Variants in HDLBP observed in about 807,000 individuals in gnomAD.
HDLBP encodes the protein vigilin.
HDLBP carries 30 observed loss-of-function variants against 137.3 expected under a neutral mutation model. The observed-to-expected ratio is 0.22, with a 90% CI of 0.16 to 0.30. The LOEUF (loss-of-function observed/expected upper bound fraction) is 0.30, where lower values mean the gene tolerates loss of function less well. Ranked by LOEUF, HDLBP falls within the 10% of genes least tolerant of loss-of-function variation. The pLI is 1.00. For missense variants in HDLBP, 1,119 were observed against 1,667.3 expected (o/e 0.67, Z 5.73); for synonymous variants, 606 against 596.0 (o/e 1.02, Z -0.24).
chr2:241,249,734 G>T, intron 12 of HDLBP, 107 bp downstream of exon 12: 1 of 1,132,280 alleles, frequency 8.8e-7, no homozygotes. Flanking sequence ...CGTGGGATTT[G>T]TCGACTTCCA....
chr2:241,270,092 G>A (rs894554351), intron 1 of HDLBP, among the ~76,000 whole-genome samples: 3 of 152,204 alleles, frequency 2.0e-5, no homozygotes, highest in Admixed American at 6.5e-5. Flanking sequence ...TCTCCAGCAC[G>A]GAGCTGTGAT....
chr2:241,267,329 G>C (rs1484415060), intron 2 of HDLBP, among the ~76,000 whole-genome samples: 1 of 152,174 alleles, frequency 6.6e-6, no homozygotes, highest in Non-Finnish European at 1.5e-5. Flanking sequence ...GTTTGTCCTA[G>C]AACAGCTGGT....
At chr2:241,311,201 C>A (rs1337127123) in intron 1 of HDLBP, among the ~76,000 whole-genome samples, 1 of 152,092 alleles carries the variant, frequency 6.6e-6, no homozygotes, top group African/African-American at 2.4e-5. Context: ...CACACAAAGG[C>A]TCTAAAAATG....
chr2:241,268,077 A>C, intron 2 of HDLBP: 1 of 559,588 alleles, frequency 1.8e-6, no homozygotes, highest in Non-Finnish European at 2.3e-6. Context: ...ATTACGCATC[A>C]ATTACTCGCA....
chr2:241,273,260 G>A, intron 1 of HDLBP: 13 of 983,104 alleles, frequency 1.3e-5, no homozygotes, highest in Non-Finnish European at 1.6e-5. Context: ...CGGCTCCAGG[G>A]CTTTCATTCC....
At chr2:241,284,203 A>G (rs565008506) in intron 1 of HDLBP, among the ~76,000 whole-genome samples, 24 of 152,336 alleles carry the variant, frequency 1.6e-4, no homozygotes, top group Non-Finnish European at 2.9e-4. Context: ...AATACTTAAG[A>G]AATTATTTTT....
chr2:241,273,460 C>A, intron 1 of HDLBP: 1 of 475,930 alleles, frequency 2.1e-6, no homozygotes, highest in Non-Finnish European at 2.7e-6. Context: ...TCTGAGCCCA[C>A]GGTGGATACG....
rs988073553 is a variant in HDLBP, at chr2:241,279,058, TA to T, written c.-102-10518del. ...CCCTCTAAAAAAATTTTTTAAAATC[TA>T]ATTAAGAAAAAAAATGTGATTTATA... On this transcript the variant is annotated intron_variant, in intron 1 of 27. Coordinates refer to ENST00000310931, the MANE Select transcript of HDLBP (RefSeq NM_005336.6). 1.1e-3 allele frequency among the ~76,000 whole-genome samples: 102 copies of T among 96,816 alleles called. 1 individual carries two copies. The highest frequency in any genetic ancestry group is 3.6e-3 in the African/African-American group (92 of 25,570). 63.5% of individuals were successfully genotyped at this position (96,816 alleles called of 152,430 possible). A position where few individuals can be genotyped will look rare whatever the true frequency, so the allele number is the denominator to read the frequency against.
rs528310718 is a variant in HDLBP at position 241,314,133 on chromosome 2, T to C, written c.-103+1437A>G. ...AGACTCAGAGATTCGGTAATCCAAA[T>C]GATGGAAATAATTCTTACCCAAACA... On this transcript the variant is annotated intron_variant, in intron 1 of 27. Coordinates refer to ENST00000310931, the MANE Select transcript of HDLBP (RefSeq NM_005336.6). Among the ~76,000 whole-genome samples, 47 of 152,322 alleles carry C rather than the reference T, an allele frequency of 3.1e-4. No homozygotes were observed. In the South Asian group the frequency reaches 7.7e-3, roughly 25 times the overall value.
At position 241,253,441 on chromosome 2, in the gene HDLBP, C is replaced by T. The variant is rs375135007; in HGVS notation, c.1245G>A (p.Glu415=). 2.5e-6 allele frequency: 4 copies of T among 1,613,720 alleles called. No homozygotes were observed. In the African/African-American group the frequency reaches 5.3e-5, roughly 22 times the overall value. The change falls in exon 10 of 28, where the codon GAG becomes GAA. Residue 415 remains glutamate, a synonymous_variant. Coordinates refer to ENST00000310931, the MANE Select transcript of HDLBP (RefSeq NM_005336.6). ...TCTGTTCCTGGGCCACATTGACATC[C>T]TCTGTAGGGCCCTCCAGGGTGATCT... is the stretch of plus-strand genomic sequence containing the variant. ...EDKITLEGPT[E]DVNVAQEQIE... is the part of the protein sequence containing the mutation.
In HDLBP at chr2:241,297,540, G is replaced by A. The variant is rs200698507; in HGVS notation, c.-103+18030C>T. 1.1e-4 allele frequency among the ~76,000 whole-genome samples: 17 copies of A among 152,234 alleles called. No homozygotes were observed. In the East Asian group the frequency reaches 2.1e-3, roughly 19 times the overall value. ...CTGTAGGTATGTTTTGTATATGTATGTATACACATACTCTGTTGACTGAGA... is the reference window on the plus strand; with the variant it reads ...CTGTAGGTATGTTTTGTATATGTATATATACACATACTCTGTTGACTGAGA... On this transcript the variant is annotated intron_variant, in intron 1 of 27. Transcript: ENST00000310931.
At position 241,306,866 on chromosome 2, in the gene HDLBP, GGAGA is replaced by G. The variant is rs563949822; in HGVS notation, c.-103+8700_-103+8703del. Among the ~76,000 whole-genome samples the G allele has an allele frequency of 6.5e-4, 97 of 150,270 alleles. 1 individual carries two copies. The highest frequency in any genetic ancestry group is 2.3e-3 in the African/African-American group (94 of 40,814). On this transcript the variant is annotated intron_variant, in intron 1 of 27. Transcript: ENST00000310931. ...TGTCATACTCCAGCCTGGGTGACAG[GGAGA>G]GACTCTGTCTCAATAAATTAAAAAA... is the stretch of plus-strand genomic sequence containing the variant.
chr2:241,272,926 C>A lies in HDLBP; in HGVS notation c.-102-4385G>T, dbSNP rs1424569686. The A allele has an allele frequency of 2.5e-6, 2 of 790,162 alleles. No homozygotes were observed. Among genetic ancestry groups the A allele is most frequent in the East Asian group, 1.3e-4 (1 of 7,932 alleles). 48.9% of individuals were successfully genotyped at this position (790,162 alleles called of 1,614,324 possible). ...CCGCCCGCCCCGCCGCTGGGGTCCCCGCCGCCCCGGGCCGCCCAGCACCCG... is the reference window on the plus strand; with the variant it reads ...CCGCCCGCCCCGCCGCTGGGGTCCCAGCCGCCCCGGGCCGCCCAGCACCCG... On this transcript the variant is annotated intron_variant, in intron 1 of 27. Transcript: ENST00000310931. This position sits in a 1 kb window ranked among gnomAD's most constrained non-coding sequence, Gnocchi z 5.6.
Position 241,230,329 on chromosome 2 carries a change from A to G in HDLBP, c.3475-60T>C, listed in dbSNP as rs2069591231. On this transcript the variant is annotated intron_variant, in intron 25 of 27. Transcript: ENST00000310931. This position sits in a 1 kb window ranked among gnomAD's most constrained non-coding sequence, Gnocchi z 5.0. ...CCAAGCGAGGAAAAGGGTTAAAATT[A>G]TGTGTCAATTTCTAGTGAAGCATTT... 3 of 1,035,510 alleles carry G rather than the reference A, an allele frequency of 2.9e-6. No homozygotes were observed. Among genetic ancestry groups the G allele is most frequent in the Non-Finnish European group, 4.3e-6 (3 of 696,344 alleles). The allele number at this position is 1,035,510 out of a possible 1,614,324, so 64.1% of individuals were successfully genotyped here.
intron 11 of HDLBP, 167 bp from the exon 12 acceptor site, chr2:241,250,147 G>A: frequency 3.2e-6 from 2 of 622,286 alleles, no homozygotes; most frequent in Non-Finnish European, 5.4e-6. Context: ...TCTAGAATGG[G>A]GGCCAGTTAT....
At position 241,315,599 on chromosome 2, in the gene HDLBP, C is replaced by T. The variant is rs1473178292; in HGVS notation, c.-132G>A. 1.3e-5 allele frequency: 2 copies of T among 152,198 alleles called. No homozygotes were observed. Among genetic ancestry groups the T allele is most frequent in the Non-Finnish European group, 2.9e-5 (2 of 68,084 alleles). The allele number at this position is 152,198 out of a possible 1,614,324, so 9.4% of individuals were successfully genotyped here. A position where few individuals can be genotyped will look rare whatever the true frequency, so the allele number is the denominator to read the frequency against. ...TCCACTCTTATAAGCATAAGAAAAC[C>T]GAGCTCATAAGGTAGGAACTGTGGC... On this transcript the variant is annotated 5_prime_UTR_variant, in exon 1 of 28. Transcript: ENST00000310931.
At chr2:241,289,942 C>T (rs183553014) in intron 1 of HDLBP, among the ~76,000 whole-genome samples, 4 of 151,464 alleles carry the variant, frequency 2.6e-5, no homozygotes, top group Non-Finnish European at 4.4e-5. Context: ...GCAGAGATAG[C>T]GAGACATAAA....
Position 241,266,861 on chromosome 2 carries a change from G to A in HDLBP, c.9C>T (p.Ser3=), listed in dbSNP as rs143753658. The part of the protein sequence containing the change: MS[S]VAVLTQESFA... ...AACTCTCTTGGGTCAAAACTGCAAC[G>A]GAACTCATGGTTGATCTCACACCTA... Residue 3 remains serine (S), a synonymous_variant, in exon 3 of 28, where the codon TCC becomes TCT. Transcript: ENST00000310931. 16 of 1,613,932 alleles carry A rather than the reference G, an allele frequency of 9.9e-6. No homozygotes were observed. Among genetic ancestry groups the A allele is most frequent in the East Asian group, 4.5e-5 (2 of 44,892 alleles).
Position 241,238,799 on chromosome 2 carries a change from T to A in HDLBP, c.2611-12A>T, listed in dbSNP as rs1173151618. On this transcript the variant is annotated splice_polypyrimidine_tract_variant and intron_variant, in intron 19 of 27. Coordinates refer to ENST00000310931, the MANE Select transcript of HDLBP (RefSeq NM_005336.6). This position sits in a 1 kb window ranked among gnomAD's most constrained non-coding sequence, Gnocchi z 4.9. ...GTCACCTGAGCTTCCTGGAGGGAGG[T>A]ACACAAAGAAAAAAGAAAAGAGCAA... 6.8e-7 allele frequency: 1 copy of A among 1,470,436 alleles called. No individual in the cohort carries two copies. The highest frequency in any genetic ancestry group is 1.4e-5 in the African/African-American group (1 of 70,084). 91.1% of individuals were successfully genotyped at this position (1,470,436 alleles called of 1,614,324 possible). A position where few individuals can be genotyped will look rare whatever the true frequency, so the allele number is the denominator to read the frequency against.
Sources: gnomAD v4.1 joint callset for allele counts (sites outside exome capture counted in the v4.1 genomes callset) on GRCh38, gnomAD v4.1.1 for gene constraint, Gnocchi (gnomAD v3.1) non-coding constraint, MANE v1.5 for transcripts, NCBI Gene and HGNC (gene_info 2026-07-23, HGNC 2026-07-21) for gene names.